The following BAZ2B variants were observed in gnomAD, a reference collection of about 807,000 sequenced individuals.
BAZ2B encodes bromodomain adjacent to zinc finger domain 2B, also known as bromodomain adjacent to zinc finger domain protein 2B.
Under a neutral mutation model 246.0 loss-of-function variants are expected in BAZ2B, and 91 were observed. That is an observed-to-expected ratio of 0.37 (90% CI 0.31 to 0.44). The LOEUF (loss-of-function observed/expected upper bound fraction) is 0.44. Among genes scored for constraint, BAZ2B ranks in the 20% least tolerant of loss-of-function variants. BAZ2B has a pLI of 1.00. For missense variants in BAZ2B, 2,332 were observed against 2,533.7 expected (o/e 0.92, Z 1.71); for synonymous variants, 855 against 860.0 (o/e 0.99, Z 0.10).
intron 2 of BAZ2B, among the ~76,000 whole-genome samples, chr2:159,528,871 A>G (rs2151305462): frequency 6.6e-6 from 1 of 150,942 alleles, no homozygotes; most frequent in South Asian, 2.1e-4. Context: ...AAAACACATT[A>G]ACACATTTTA....
At chr2:159,464,776 TTA>T (rs1310286806) in intron 3 of BAZ2B, 1 of 152,194 alleles carries the variant, frequency 6.6e-6, no homozygotes, top group Non-Finnish European at 1.5e-5. Flanking sequence ...ATGAAAATAA[TTA>T]GAGTTCATAG....
intron 22 of BAZ2B, among the ~76,000 whole-genome samples, chr2:159,386,080 G>C (rs1356249498): frequency 2.6e-5 from 4 of 152,076 alleles, no homozygotes; most frequent in Non-Finnish European, 5.9e-5. Context: ...TGTTGTTGAT[G>C]AATATCGCTT....
At chr2:159,443,844 T>C (rs755380878) in intron 6 of BAZ2B, among the ~76,000 whole-genome samples, 2 of 152,158 alleles carry the variant, frequency 1.3e-5, no homozygotes, top group Non-Finnish European at 2.9e-5. Context: ...TTTAGGAATG[T>C]CAATGTAGAT....
At chr2:159,322,490 TA>T (rs1184764729) in intron 36 of BAZ2B, among the ~76,000 whole-genome samples, 1 of 152,224 alleles carries the variant, frequency 6.6e-6, no homozygotes, top group Non-Finnish European at 1.5e-5. Flanking sequence ...ATACTTCATC[TA>T]AATGGAATCA....
chr2:159,700,646 C>T, the BAZ2B span, among the ~76,000 whole-genome samples: 2 of 152,154 alleles, frequency 1.3e-5, no homozygotes, highest in African/African-American at 4.8e-5. Context: ...AGGGTTTCAC[C>T]ATATTGGCCA....
At chr2:159,378,677 G>A (rs1231390412) in intron 25 of BAZ2B, among the ~76,000 whole-genome samples, 2 of 151,862 alleles carry the variant, frequency 1.3e-5, no homozygotes, top group Admixed American at 1.3e-4. Flanking sequence ...CATACAAATG[G>A]CCAACAGGTA....
chr2:159,347,943 C>T (rs957248298), intron 30 of BAZ2B, among the ~76,000 whole-genome samples: 2 of 152,180 alleles, frequency 1.3e-5, no homozygotes, highest in Non-Finnish European at 2.9e-5. Flanking sequence ...TCATTTCTCT[C>T]TTGATATCTG....
At chr2:159,450,922 T>C (rs2075005402) in intron 4 of BAZ2B, among the ~76,000 whole-genome samples, 2 of 152,094 alleles carry the variant, frequency 1.3e-5, no homozygotes, top group East Asian at 1.9e-4. Flanking sequence ...GTAGTTTTGG[T>C]AGAGATGAGG....
chr2:159,405,143 T>C, intron 14 of BAZ2B, 29 bp from the exon 15 acceptor site: 1 of 1,596,758 alleles, frequency 6.3e-7, no homozygotes, highest in Non-Finnish European at 8.6e-7. Flanking sequence ...CAAAGAATAT[T>C]AACAACTTTG....
chr2:159,681,332 A>G, the BAZ2B span, among the ~76,000 whole-genome samples: 1 of 152,144 alleles, frequency 6.6e-6, no homozygotes, highest in African/African-American at 2.4e-5. Context: ...AGATGTTCAA[A>G]GAAATAAAGA....
intron 2 of BAZ2B, among the ~76,000 whole-genome samples, chr2:159,496,954 T>TGA (rs1281080949): frequency 1.3e-5 from 2 of 152,116 alleles, no homozygotes; most frequent in Non-Finnish European, 1.5e-5. Context: ...CAACTATTTT[T>TGA]GAGCATTAAC....
chr2:159,325,763 G>T lies in BAZ2B; in HGVS notation c.6099C>A (p.Leu2033=). ...SSSLKRGNKD[L]KKRKMEENTS... ...TGTTTTCCTCCATTTTTCTTTTCTT[G>T]AGGTCTTTGTTTCCTCTTTTTAGTG... The change falls in exon 35 of 37, where the codon CTC becomes CTA. Residue 2033 remains leucine (L), a synonymous_variant. Coordinates refer to ENST00000392783, the MANE Select transcript of BAZ2B (RefSeq NM_013450.4). 1 of 1,601,182 alleles carries T rather than the reference G, an allele frequency of 6.2e-7. No individual in the cohort carries two copies. Among genetic ancestry groups the T allele is most frequent in the Non-Finnish European group, 8.5e-7 (1 of 1,177,066 alleles).
At chr2:159,442,079 A>G (rs1266289280) in intron 6 of BAZ2B, among the ~76,000 whole-genome samples, 2 of 152,208 alleles carry the variant, frequency 1.3e-5, no homozygotes, top group Non-Finnish European at 2.9e-5. Flanking sequence ...ATTTAAATAA[A>G]TATTTTGAGT....
At chr2:159,478,892 C>T (rs1190820710) in intron 2 of BAZ2B, among the ~76,000 whole-genome samples, 171 bp from the exon 3 acceptor site, 2 of 152,058 alleles carry the variant, frequency 1.3e-5, no homozygotes, top group African/African-American at 2.4e-5. Flanking sequence ...AAAATACCAA[C>T]TTATGGAATA....
At chr2:159,644,946 A>C in the BAZ2B span, among the ~76,000 whole-genome samples, 1 of 152,118 alleles carries the variant, frequency 6.6e-6, no homozygotes, top group Non-Finnish European at 1.5e-5. Context: ...AGTAGTAAGG[A>C]GGACCTATGC....
At chr2:159,638,284 C>T in the BAZ2B span, among the ~76,000 whole-genome samples, 2 of 152,224 alleles carry the variant, frequency 1.3e-5, no homozygotes, top group Non-Finnish European at 2.9e-5. Context: ...CAGGCACAAA[C>T]AAGCCCAGAC....
chr2:159,328,196 T>TA (rs1298387443), intron 34 of BAZ2B, among the ~76,000 whole-genome samples: 1 of 151,740 alleles, frequency 6.6e-6, no homozygotes, highest in Non-Finnish European at 1.5e-5. Context: ...CACCTACACA[T>TA]ACTTTAAAAG....
chr2:159,331,353 C>T (rs2148896186), intron 34 of BAZ2B, among the ~76,000 whole-genome samples: 1 of 152,184 alleles, frequency 6.6e-6, no homozygotes, highest in South Asian at 2.1e-4. Context: ...CATTAAAGGC[C>T]TCTAACACCT....
At chr2:159,501,192 A>T (rs547408173) in intron 2 of BAZ2B, among the ~76,000 whole-genome samples, 2 of 76,710 alleles carry the variant, frequency 2.6e-5, no homozygotes, top group South Asian at 4.5e-4. Context: ...ATTTATATAT[A>T]ATATATATAT....
Sources: gnomAD v4.1 joint callset for allele counts (sites outside exome capture counted in the v4.1 genomes callset) on GRCh38, gnomAD v4.1.1 for gene constraint, MANE v1.5 for transcripts, NCBI Gene and HGNC (gene_info 2026-07-23, HGNC 2026-07-21) for gene names.